Variants in CAMK1D observed in about 807,000 individuals in gnomAD.
CAMK1D encodes the protein calcium/calmodulin-dependent protein kinase type 1D.
CAMK1D carries 9 observed loss-of-function variants against 47.7 expected under a neutral mutation model. The ratio of observed to expected loss-of-function variants is 0.19; its 90% CI spans 0.11 to 0.33. The LOEUF is 0.33. Ranked by LOEUF, CAMK1D falls within the 10% of genes least tolerant of loss-of-function variation. The probability of loss-of-function intolerance (pLI) is 1.00; values close to 1 mark genes in which losing one functional copy is unlikely to be tolerated. For missense variants in CAMK1D, 291 were observed against 488.7 expected (o/e 0.60, Z 3.81); for synonymous variants, 184 against 184.9 (o/e 0.99, Z 0.04).
At chr10:12,464,309 G>C (rs1833526512) in intron 1 of CAMK1D, among the ~76,000 whole-genome samples, 1 of 152,132 alleles carries the variant, frequency 6.6e-6, no homozygotes, top group Non-Finnish European at 1.5e-5. Flanking sequence ...TCCTTCAGTA[G>C]CTCTTTTCCG....
intron 2 of CAMK1D, among the ~76,000 whole-genome samples, chr10:12,621,750 C>T (rs1839004345): frequency 6.6e-6 from 1 of 151,816 alleles, no homozygotes; most frequent in Admixed American, 6.6e-5. Context: ...TGGACTTTTG[C>T]AAATTGTTCT....
chr10:12,823,385 G>T (rs1451520654), intron 8 of CAMK1D, among the ~76,000 whole-genome samples: 2 of 152,154 alleles, frequency 1.3e-5, no homozygotes, highest in African/African-American at 4.8e-5. Context: ...AGGGAAGAGG[G>T]AAGGATCAAA....
chr10:12,576,402 A>AG (rs1395042305), intron 2 of CAMK1D, among the ~76,000 whole-genome samples: 2 of 152,026 alleles, frequency 1.3e-5, no homozygotes, highest in Non-Finnish European at 2.9e-5. Context: ...TGACCGGAGG[A>AG]GGGGGAGGGT....
chr10:12,652,825 T>A (rs192383237), intron 2 of CAMK1D, among the ~76,000 whole-genome samples: 1 of 152,344 alleles, frequency 6.6e-6, no homozygotes, highest in East Asian at 1.9e-4. Context: ...GAGAGGTGGA[T>A]GTGTATTACA....
chr10:12,807,542 G>A (rs1226628197), intron 6 of CAMK1D, among the ~76,000 whole-genome samples: 6 of 152,114 alleles, frequency 3.9e-5, no homozygotes, highest in Admixed American at 2.6e-4. Context: ...TCCTCACCCT[G>A]CCTTCAAAGA....
chr10:12,389,096 C>T (rs1400504534), intron 1 of CAMK1D, among the ~76,000 whole-genome samples: 1 of 152,208 alleles, frequency 6.6e-6, no homozygotes, highest in African/African-American at 2.4e-5. Flanking sequence ...CTGTGAGCTT[C>T]CATCAGCTTC....
chr10:12,828,631 A>G, intron 10 of CAMK1D, 138 bp from the exon 11 acceptor site: 1 of 644,028 alleles, frequency 1.6e-6, no homozygotes, highest in Non-Finnish European at 2.7e-6. Context: ...AAAGAGTGAA[A>G]CTCCATCTCA....
At chr10:12,759,764 G>A (rs1046884897) in intron 3 of CAMK1D, among the ~76,000 whole-genome samples, 20 of 152,082 alleles carry the variant, frequency 1.3e-4, no homozygotes, top group Non-Finnish European at 2.4e-4. Context: ...GGCCTTTTAC[G>A]GCTGCAGTGG....
At chr10:12,784,789 G>T (rs1022114536) in intron 5 of CAMK1D, among the ~76,000 whole-genome samples, 3 of 152,182 alleles carry the variant, frequency 2.0e-5, no homozygotes, top group Non-Finnish European at 4.4e-5. Flanking sequence ...TAGCCCAGTC[G>T]TGTGGAATTT....
At chr10:12,723,656 T>A (rs1373131481) in intron 3 of CAMK1D, among the ~76,000 whole-genome samples, 1 of 152,124 alleles carries the variant, frequency 6.6e-6, no homozygotes, top group Admixed American at 6.6e-5. Context: ...TTGAAAGGCA[T>A]TTTTTTCTAT....
chr10:12,662,408 C>A (rs60857546), intron 2 of CAMK1D, among the ~76,000 whole-genome samples: 10,547 of 152,178 alleles, frequency 0.069, 401 homozygotes, highest in South Asian at 0.18. Flanking sequence ...AATCCCAGCA[C>A]TTTGGGAGGC....
At chr10:12,800,947 G>A (rs1200294338) in intron 6 of CAMK1D, among the ~76,000 whole-genome samples, 4 of 152,148 alleles carry the variant, frequency 2.6e-5, no homozygotes, top group South Asian at 2.1e-4. Context: ...GTTCTGAGTT[G>A]TTGCCCAAAA....
intron 1 of CAMK1D, among the ~76,000 whole-genome samples, chr10:12,530,276 T>TA (rs1564394338): frequency 6.6e-6 from 1 of 152,186 alleles, no homozygotes; most frequent in African/African-American, 2.4e-5. Flanking sequence ...TGGGGGGCCC[T>TA]AGGCAGGCTG....
intron 1 of CAMK1D, among the ~76,000 whole-genome samples, chr10:12,421,393 C>T (rs943354713): frequency 6.6e-5 from 10 of 152,072 alleles, no homozygotes; most frequent in African/African-American, 1.9e-4. Context: ...CCAGATGTTC[C>T]CTAGCCGCAG....
At chr10:12,802,390 C>T (rs1156794777) in intron 6 of CAMK1D, among the ~76,000 whole-genome samples, 1 of 152,172 alleles carries the variant, frequency 6.6e-6, no homozygotes, top group Non-Finnish European at 1.5e-5. Context: ...TCTCAGTTTT[C>T]TCCAGGCCCT....
chr10:12,694,367 TATATAAA>T (rs1392346942), intron 3 of CAMK1D, among the ~76,000 whole-genome samples: 3 of 85,036 alleles, frequency 3.5e-5, no homozygotes, highest in African/African-American at 9.4e-5. Flanking sequence ...TTATATGTTA[TATATAAA>T]ATATAAAATA....
intron 3 of CAMK1D, among the ~76,000 whole-genome samples, chr10:12,754,595 A>T (rs950617470): frequency 2.6e-5 from 4 of 152,310 alleles, no homozygotes; most frequent in African/African-American, 9.6e-5. Context: ...GTAACAGAAT[A>T]CCACAGACTG....
chr10:12,561,571 C>T (rs1427590366), intron 2 of CAMK1D, among the ~76,000 whole-genome samples: 3 of 152,256 alleles, frequency 2.0e-5, no homozygotes, highest in Admixed American at 1.3e-4. Flanking sequence ...CCCCTAAGTC[C>T]GGAGACTTCC....
chr10:12,521,868 GTTTAC>G (rs149647004), intron 1 of CAMK1D, among the ~76,000 whole-genome samples: 7,797 of 151,782 alleles, frequency 0.051, 279 homozygotes, highest in Admixed American at 0.12. Flanking sequence ...TTGTTCTGAA[GTTTAC>G]TTTGTTTGCT....
Sources: allele counts gnomAD v4.1 joint callset (sites outside exome capture counted in the v4.1 genomes callset), GRCh38; gene constraint gnomAD v4.1.1; transcripts MANE v1.5; gene names NCBI Gene and HGNC (gene_info 2026-07-23, HGNC 2026-07-21).